Variants in LNX1 observed in about 807,000 individuals in gnomAD.
The protein encoded by LNX1 is E3 ubiquitin-protein ligase LNX.
LNX1 carries 54 observed loss-of-function variants against 68.4 expected under a neutral mutation model. The observed-to-expected ratio is 0.79, with a 90% confidence interval of 0.63 to 0.99. The LOEUF (loss-of-function observed/expected upper bound fraction) is 0.99, where lower values mean the gene tolerates loss of function less well. Ranked by LOEUF, LNX1 falls within the 50% of genes least tolerant of loss-of-function variation. LNX1 has a pLI of 0.00. For missense variants in LNX1, 906 were observed against 926.4 expected (o/e 0.98, Z 0.29); for synonymous variants, 336 against 350.0 (o/e 0.96, Z 0.45).
intron 6 of LNX1, among the ~76,000 whole-genome samples, chr4:53,494,787 A>G (rs1724933025): frequency 6.6e-6 from 1 of 152,242 alleles, no homozygotes; most frequent in Non-Finnish European, 1.5e-5. Context: ...AATGGGTTAG[A>G]ACATAAGAGC....
chr4:53,615,076 C>T (rs369759079), intron 2 of LNX1, among the ~76,000 whole-genome samples: 1 of 151,912 alleles, frequency 6.6e-6, no homozygotes, highest in East Asian at 1.9e-4. Flanking sequence ...GAATTAATTG[C>T]TGAAAGAAAC....
At chr4:53,648,631 C>T (rs1412392992) in intron 1 of LNX1, among the ~76,000 whole-genome samples, 13 of 152,152 alleles carry the variant, frequency 8.5e-5, no homozygotes, top group Non-Finnish European at 1.9e-4. Context: ...CATTTCTGTG[C>T]TTCCACTTTT....
intron 2 of LNX1, among the ~76,000 whole-genome samples, chr4:53,560,119 C>T (rs898607418): frequency 1.3e-5 from 2 of 152,182 alleles, no homozygotes; most frequent in African/African-American, 4.8e-5. Context: ...TGGAGTTTCA[C>T]AAAGTCCTGA....
intron 2 of LNX1, among the ~76,000 whole-genome samples, chr4:53,527,286 C>T (rs1727688922): frequency 6.6e-6 from 1 of 152,146 alleles, no homozygotes; most frequent in South Asian, 2.1e-4. Flanking sequence ...AGCTATTTTT[C>T]TAAGACAAGG....
At chr4:53,571,021 C>T (rs1001625386) in intron 2 of LNX1, among the ~76,000 whole-genome samples, 24 of 149,536 alleles carry the variant, frequency 1.6e-4, no homozygotes, top group Admixed American at 1.1e-3. Context: ...AGCCAGACTC[C>T]GTCTAAAAAA....
upstream of LNX1, chr4:53,592,885 G>A (rs1388550446): frequency 1.3e-5 from 2 of 151,820 alleles, no homozygotes; most frequent in Non-Finnish European, 2.9e-5. Flanking sequence ...TGTAGTCGAG[G>A]GCGGGGTCTG....
chr4:53,464,878 TTTAAA>T (rs1370250598), intron 9 of LNX1, among the ~76,000 whole-genome samples: 2 of 152,160 alleles, frequency 1.3e-5, no homozygotes, highest in African/African-American at 2.4e-5. Context: ...TAGAGTCAAA[TTTAAA>T]TTATCTCTCA....
intron 6 of LNX1, 48 bp from the exon 7 acceptor site, chr4:53,481,902 G>A: frequency 6.6e-7 from 1 of 1,506,644 alleles, no homozygotes; most frequent in Non-Finnish European, 8.9e-7. Flanking sequence ...TCCATCCACT[G>A]CATTCAGCAC....
At chr4:53,477,306 T>G (rs1723627908) in intron 8 of LNX1, among the ~76,000 whole-genome samples, 1 of 152,172 alleles carries the variant, frequency 6.6e-6, no homozygotes, top group Non-Finnish European at 1.5e-5. Context: ...ACTTTTTCAC[T>G]CTTTTGTTTC....
chr4:53,476,913 A>G lies in LNX1; in HGVS notation c.1732T>C (p.Leu578=), dbSNP rs757299870. ...ACTATCGAGGATGATGTTCTTTTCA[A>G]TAATGCCACTGCCTCACTCCGGCTG... ...EVSRSEAVAL[L]KRTSSSIVLK... The change falls in exon 9 of 11, where the codon TTG becomes CTG. Residue 578 remains leucine, a synonymous_variant. Transcript: ENST00000263925. 6.2e-7 allele frequency: 1 copy of G among 1,614,184 alleles called. No homozygotes were observed. The highest frequency in any genetic ancestry group is 8.5e-7 in the Non-Finnish European group (1 of 1,180,018).
intron 1 of LNX1, among the ~76,000 whole-genome samples, chr4:53,579,991 C>A (rs1437358324): frequency 6.6e-6 from 1 of 152,132 alleles, no homozygotes; most frequent in Non-Finnish European, 1.5e-5. Flanking sequence ...GAAAAAGAAT[C>A]CTTCTTTATA....
chr4:53,565,936 A>G (rs1214301784), intron 2 of LNX1, among the ~76,000 whole-genome samples: 6 of 152,032 alleles, frequency 3.9e-5, no homozygotes, highest in African/African-American at 7.2e-5. Flanking sequence ...AGCGAGAAGG[A>G]AAGTTTAGAG....
chr4:53,534,640 T>A (rs1577674709), intron 2 of LNX1, among the ~76,000 whole-genome samples: 1 of 152,168 alleles, frequency 6.6e-6, no homozygotes, highest in Non-Finnish European at 1.5e-5. Flanking sequence ...ACACCCTGTC[T>A]CTAAAAAAAC....
intron 1 of LNX1, among the ~76,000 whole-genome samples, chr4:53,588,280 GTC>G (rs1732298246): frequency 1.3e-5 from 2 of 152,190 alleles, no homozygotes; most frequent in Non-Finnish European, 2.9e-5. Flanking sequence ...ACACAGACCT[GTC>G]TGATACTATC....
chr4:53,498,491 AATCTC>A, intron 5 of LNX1, 145 bp downstream of exon 5: 1 of 630,360 alleles, frequency 1.6e-6, no homozygotes, highest in Non-Finnish European at 2.8e-6. Context: ...TTAAATGACA[AATCTC>A]AGAGAGTCAT....
At chr4:53,578,347 C>T (rs544510352) in intron 1 of LNX1, among the ~76,000 whole-genome samples, 33 of 152,296 alleles carry the variant, frequency 2.2e-4, no homozygotes, top group African/African-American at 6.5e-4. Flanking sequence ...CACACCTTCA[C>T]GGTATAGCTG....
chr4:53,602,818 C>T (rs879740913), intron 2 of LNX1: 1 of 152,208 alleles, frequency 6.6e-6, no homozygotes, highest in Admixed American at 6.5e-5. Context: ...CATGACATAT[C>T]ATTTTACTCT....
intron 2 of LNX1, among the ~76,000 whole-genome samples, chr4:53,515,540 G>T (rs1394625010): frequency 1.3e-5 from 2 of 150,932 alleles, no homozygotes; most frequent in Admixed American, 1.3e-4. Context: ...ATGACAAGAA[G>T]ACCGACTTAA....
intron 8 of LNX1, among the ~76,000 whole-genome samples, 164 bp from the exon 9 acceptor site, chr4:53,477,145 A>T (rs189665139): frequency 8.6e-4 from 131 of 152,344 alleles, no homozygotes; most frequent in Non-Finnish European, 1.5e-3. Flanking sequence ...AATGGTAAAC[A>T]GTGTGTGCAT....
Sources: gnomAD v4.1 joint callset for allele counts (sites outside exome capture counted in the v4.1 genomes callset) on GRCh38, gnomAD v4.1.1 for gene constraint, MANE v1.5 for transcripts, NCBI Gene and HGNC (gene_info 2026-07-23, HGNC 2026-07-21) for gene names.